Variants in OTOA observed in about 807,000 individuals in gnomAD.
OTOA encodes the protein cancer/testis antigen 108.
A neutral mutation model predicts 110.8 loss-of-function variants in OTOA; 70 were observed. The observed-to-expected ratio is 0.63, with a 90% CI of 0.52 to 0.77. The LOEUF is 0.77. Ranked by LOEUF, OTOA falls within the 30% of genes least tolerant of loss-of-function variation. The pLI, the probability that OTOA is intolerant of heterozygous loss-of-function variation, is 0.00. For synonymous variants in OTOA, 373 were observed against 431.5 expected (o/e 0.86, Z 1.68); for missense variants, 917 against 1,075.8 (o/e 0.85, Z 2.06).
chr16:21,701,840 CAA>C (rs1416122740), intron 11 of OTOA, among the ~76,000 whole-genome samples: 2 of 151,710 alleles, frequency 1.3e-5, no homozygotes, highest in Non-Finnish European at 2.9e-5. Context: ...AGGCTGGTCT[CAA>C]ACTCCTGACC....
In OTOA at chr16:21,716,531, A is replaced by T. The variant is rs143710291; in HGVS notation, c.1489-376A>T. On this transcript the variant is annotated intron_variant, in intron 14 of 28. Coordinates refer to ENST00000646100, the MANE Select transcript of OTOA (RefSeq NM_144672.4). ...GACTGCAGCGAGCCAATATCATGCC[A>T]CTGAATTCCAGCCTGGCGACAGAGG... is the stretch of plus-strand genomic sequence containing the variant. Among the ~76,000 whole-genome samples the T allele has an allele frequency of 1.8e-3, 279 of 152,230 alleles. 1 individual carries two copies. The highest frequency in any genetic ancestry group is 5.4e-3 in the Admixed American group (82 of 15,274).
rs145582429 is a variant in OTOA at position 21,711,629 on chromosome 16, C to T, written c.1320+1526C>T. ...GATTATAGGCACCCACCACCACACC[C>T]AGCGAATTTTTGTGTTTTTAGTAGA... On this transcript the variant is annotated intron_variant, in intron 13 of 28. Transcript: ENST00000646100. 9.8e-5 allele frequency among the ~76,000 whole-genome samples: 15 copies of T among 152,308 alleles called. 1 individual carries two copies. Among genetic ancestry groups the T allele is most frequent in the African/African-American group, 3.6e-4 (15 of 41,556 alleles).
At chr16:21,695,891 A>ATATATTTTTTTTT (rs569493650) in intron 9 of OTOA, among the ~76,000 whole-genome samples, 7 of 41,896 alleles carry the variant, frequency 1.7e-4, no homozygotes, top group African/African-American at 7.3e-4. Flanking sequence ...ATATATATAT[A>ATATATTTTTTTTT]TTTTTTTTTT....
In OTOA at chr16:21,709,928, C is replaced by A. The variant is rs1898304015; in HGVS notation, c.1145C>A (p.Thr382Asn). Residue 382 changes from threonine to asparagine, a missense_variant, in exon 13 of 29, where the codon ACC becomes AAC. Transcript: ENST00000646100. ...ELLDIAMENQ[T>N]LNETLGSLSD... ...CTGGACATTGCCATGGAGAACCAGA[C>A]CCTCAATGAGACCCTGGGTTCTTTG... The A allele has an allele frequency of 3.1e-6, 5 of 1,613,950 alleles. No homozygotes were observed. The East Asian group carries it at 1.1e-4, about 36-fold the overall frequency.
chr16:21,724,041 T>C (rs1349514340), intron 18 of OTOA, among the ~76,000 whole-genome samples: 1 of 152,120 alleles, frequency 6.6e-6, no homozygotes, highest in Non-Finnish European at 1.5e-5. Context: ...GTGAGGGAGA[T>C]GGTTCTCCAA....
chr16:21,733,565 G>T (rs1365585752), intron 21 of OTOA, among the ~76,000 whole-genome samples: 1 of 151,214 alleles, frequency 6.6e-6, no homozygotes, highest in Non-Finnish European at 1.5e-5. Context: ...GGTGAGCCGG[G>T]ACCCAGTGAG....
At chr16:21,708,671 T>G in intron 12 of OTOA, among the ~76,000 whole-genome samples, 1 of 152,186 alleles carries the variant, frequency 6.6e-6, no homozygotes, top group East Asian at 1.9e-4. Flanking sequence ...CCCAGGCGCT[T>G]TGACAGTTGT....
intron 21 of OTOA, among the ~76,000 whole-genome samples, chr16:21,731,809 G>C (rs545416062): frequency 6.6e-6 from 1 of 152,154 alleles, no homozygotes; most frequent in South Asian, 2.1e-4. Context: ...GGCACAAGGT[G>C]CACATGGTCA....
chr16:21,711,362 C>G (rs943229259), intron 13 of OTOA, among the ~76,000 whole-genome samples: 1 of 152,170 alleles, frequency 6.6e-6, no homozygotes, highest in Non-Finnish European at 1.5e-5. Context: ...TCTTGCTGCT[C>G]CTGGGGTGGA....
chr16:21,692,298 G>A (rs1262357675), intron 9 of OTOA, among the ~76,000 whole-genome samples: 5 of 151,794 alleles, frequency 3.3e-5, no homozygotes, highest in Non-Finnish European at 7.4e-5. Context: ...CTGCACTCCG[G>A]CCTGGGTGAC....
intron 22 of OTOA, among the ~76,000 whole-genome samples, chr16:21,736,686 C>T (rs1899311362): frequency 6.6e-6 from 1 of 151,994 alleles, no homozygotes; most frequent in Non-Finnish European, 1.5e-5. Context: ...CAAAAATTAG[C>T]CGGGTGTGGT....
At chr16:21,725,286 TTTG>T (rs1394223215) in intron 18 of OTOA, among the ~76,000 whole-genome samples, 3 of 152,014 alleles carry the variant, frequency 2.0e-5, no homozygotes, top group African/African-American at 4.8e-5. Flanking sequence ...AATAGATTTT[TTTG>T]TTGTTGTTGT....
chr16:21,726,491 T>C, intron 18 of OTOA, 32 bp from the exon 19 acceptor site: 1 of 1,612,438 alleles, frequency 6.2e-7, no homozygotes, highest in Non-Finnish European at 8.5e-7. Context: ...CAGCCATGTG[T>C]TCCTCCTCTT....
intron 1 of OTOA, among the ~76,000 whole-genome samples, chr16:21,666,803 G>C (rs1966840955): frequency 6.6e-6 from 1 of 152,018 alleles, no homozygotes; most frequent in Non-Finnish European, 1.5e-5. Flanking sequence ...TGACCAATCT[G>C]CTAAAAAAGT....
At chr16:21,705,429 C>T in intron 12 of OTOA, 137 bp downstream of exon 12, 3 of 1,317,048 alleles carry the variant, frequency 2.3e-6, no homozygotes, top group Non-Finnish European at 3.2e-6. Context: ...CAGCAGATGG[C>T]ATCTCAAATA....
chr16:21,701,218 G>A (rs1012958378), intron 11 of OTOA, 191 bp downstream of exon 11: 7 of 805,686 alleles, frequency 8.7e-6, no homozygotes, highest in Middle Eastern at 6.4e-4. Context: ...TATGAAGCTG[G>A]GTGAAAGGAT....
intron 12 of OTOA, among the ~76,000 whole-genome samples, chr16:21,707,614 T>C (rs1299275724): frequency 2.1e-5 from 2 of 95,456 alleles, no homozygotes; most frequent in African/African-American, 3.2e-5. Context: ...TCTTTCTTTC[T>C]TTCTTTCTTT....
rs459377 is a variant in OTOA at position 21,756,447 on chromosome 16, C to G, written c.3154-635C>G. 2.3e-3 allele frequency among the ~76,000 whole-genome samples: 338 copies of G among 147,022 alleles called. No homozygotes were observed. In the East Asian group the frequency reaches 0.037, roughly 16 times the overall value. ...GTCTCACATTTATCCCCAAAGCCCA[C>G]GGAGGCTGTGTAATTTGTTCAAGGT... is the stretch of plus-strand genomic sequence containing the variant. On this transcript the variant is annotated intron_variant, in intron 27 of 28. Transcript: ENST00000646100.
intron 14 of OTOA, among the ~76,000 whole-genome samples, chr16:21,715,858 T>A (rs1898537822): frequency 6.6e-6 from 1 of 151,734 alleles, no homozygotes; most frequent in Non-Finnish European, 1.5e-5. Context: ...CCCAAAGTCC[T>A]AGGGTGCATC....
Sources: allele counts gnomAD v4.1 joint callset (sites outside exome capture counted in the v4.1 genomes callset), GRCh38; gene constraint gnomAD v4.1.1; transcripts MANE v1.5; gene names NCBI Gene and HGNC (gene_info 2026-07-23, HGNC 2026-07-21).